Variants in CSMD1 observed in about 807,000 individuals in gnomAD.
The protein encoded by CSMD1 is CUB and sushi domain-containing protein 1.
CSMD1 carries 213 observed loss-of-function variants against 417.5 expected under a neutral mutation model. That is an observed-to-expected ratio of 0.51 (90% CI 0.46 to 0.57). The LOEUF (loss-of-function observed/expected upper bound fraction) is 0.57. Ranked by LOEUF, CSMD1 falls within the 20% of genes least tolerant of loss-of-function variation. The pLI is 0.00. For missense variants in CSMD1, 6,923 were observed against 4,529.7 expected (o/e 1.53, Z -15.17); for synonymous variants, 2,862 against 1,736.8 (o/e 1.65, Z -16.11).
chr8:4,413,023 A>G (rs1240806816), intron 3 of CSMD1, among the ~76,000 whole-genome samples: 1 of 152,220 alleles, frequency 6.6e-6, no homozygotes, highest in Non-Finnish European at 1.5e-5. Context: ...TGAAGTCTAT[A>G]CAATGTTCTT....
intron 3 of CSMD1, among the ~76,000 whole-genome samples, chr8:4,305,972 A>C (rs1585198014): frequency 6.6e-6 from 1 of 152,166 alleles, no homozygotes; most frequent in Non-Finnish European, 1.5e-5. Context: ...ACTGATACAT[A>C]GTGTGCCCAG....
chr8:3,322,512 G>A (rs990664362), intron 23 of CSMD1, among the ~76,000 whole-genome samples: 1 of 152,194 alleles, frequency 6.6e-6, no homozygotes, highest in African/African-American at 2.4e-5. Flanking sequence ...GTTTCCAGAA[G>A]AGAGAGCTAA....
In CSMD1 at chr8:4,761,894, CCTATCTATCTATCTATCAAT is replaced by C. The variant is rs1408689869; in HGVS notation, c.86-124356_86-124337del. Among the ~76,000 whole-genome samples the C allele has an allele frequency of 4.5e-3, 379 of 83,804 alleles. 3 individuals are homozygous for C. The highest frequency in any genetic ancestry group is 0.013 in the African/African-American group (281 of 22,320). The allele number at this position is 83,804 out of a possible 152,430, so 55.0% of individuals were successfully genotyped here. A position where few individuals can be genotyped will look rare whatever the true frequency, so the allele number is the denominator to read the frequency against. ...ATCTATCTATCTATCTATCTACCTA[CCTATCTATCTATCTATCAAT>C]CTATCTATCTATCTATCTATCTATC... On this transcript the variant is annotated intron_variant, in intron 1 of 69. Coordinates refer to ENST00000635120, the MANE Select transcript of CSMD1 (RefSeq NM_033225.6).
intron 2 of CSMD1, among the ~76,000 whole-genome samples, chr8:4,503,901 C>G (rs948625550): frequency 1.3e-5 from 2 of 150,004 alleles, no homozygotes; most frequent in East Asian, 3.9e-4. Context: ...CTACCTGATT[C>G]TGCTTCAAAA....
At chr8:3,479,053 G>GC (rs1034714806) in intron 11 of CSMD1, among the ~76,000 whole-genome samples, 1 of 151,790 alleles carries the variant, frequency 6.6e-6, no homozygotes, top group African/African-American at 2.4e-5. Context: ...AAATCCTTCT[G>GC]CCCCCTCAGC....
chr8:3,164,646 C>T (rs1316330839), intron 37 of CSMD1, among the ~76,000 whole-genome samples: 1 of 152,086 alleles, frequency 6.6e-6, no homozygotes, highest in Non-Finnish European at 1.5e-5. Flanking sequence ...TAAATTTTAA[C>T]TACAGTCGGG....
chr8:4,131,150 A>AT (rs1803077985), intron 3 of CSMD1, among the ~76,000 whole-genome samples: 2 of 152,178 alleles, frequency 1.3e-5, no homozygotes, highest in African/African-American at 4.8e-5. Flanking sequence ...CATAATGTAG[A>AT]TTTTAGACAA....
chr8:3,950,761 C>T (rs1198425684), intron 5 of CSMD1, among the ~76,000 whole-genome samples: 1 of 152,198 alleles, frequency 6.6e-6, no homozygotes, highest in Non-Finnish European at 1.5e-5. Context: ...TCTCTTACCT[C>T]ATCGCTAACA....
At position 3,753,892 on chromosome 8, in the gene CSMD1, C is replaced by T. The variant is rs759633673; in HGVS notation, c.931+38G>A. 17 of 1,335,188 alleles carry T rather than the reference C, an allele frequency of 1.3e-5. No homozygotes were observed. In the African/African-American group the frequency reaches 1.3e-4, roughly 10 times the overall value. 82.7% of individuals were successfully genotyped at this position (1,335,188 alleles called of 1,614,324 possible). ...AGAAAGGATCAAAATATATTACGCTCTGTTTTTTTTTTTTCTTATAAGATG... is the reference window on the plus strand; with the variant it reads ...AGAAAGGATCAAAATATATTACGCTTTGTTTTTTTTTTTTCTTATAAGATG... On this transcript the variant is annotated intron_variant, in intron 6 of 69. Coordinates refer to ENST00000635120, the MANE Select transcript of CSMD1 (RefSeq NM_033225.6).
chr8:4,397,393 G>C (rs1469651254), intron 3 of CSMD1, among the ~76,000 whole-genome samples: 1 of 152,052 alleles, frequency 6.6e-6, no homozygotes, highest in Non-Finnish European at 1.5e-5. Flanking sequence ...GAAAAGAGAA[G>C]TTACTTCATT....
intron 3 of CSMD1, among the ~76,000 whole-genome samples, chr8:4,415,245 C>G (rs1037246484): frequency 3.3e-5 from 5 of 152,144 alleles, no homozygotes; most frequent in African/African-American, 4.8e-5. Flanking sequence ...CCTCCATCAA[C>G]TCCGCCTCAC....
intron 3 of CSMD1, among the ~76,000 whole-genome samples, chr8:4,285,053 C>A (rs972956832): frequency 2.4e-4 from 37 of 152,238 alleles, no homozygotes; most frequent in African/African-American, 8.7e-4. Flanking sequence ...GTAAGCATAA[C>A]ACAATAGTCA....
chr8:4,186,432 C>G (rs548057128), intron 3 of CSMD1, among the ~76,000 whole-genome samples: 2 of 152,228 alleles, frequency 1.3e-5, no homozygotes, highest in South Asian at 4.1e-4. Flanking sequence ...AGTAAGTTTA[C>G]AGAGCCCAGG....
chr8:4,773,353 T>G (rs1310374609), intron 1 of CSMD1, among the ~76,000 whole-genome samples: 2 of 152,178 alleles, frequency 1.3e-5, no homozygotes. Flanking sequence ...GGTGGCTTTT[T>G]GTTTCAGGAA....
At chr8:2,963,763 T>A (rs1055044691) in intron 59 of CSMD1, among the ~76,000 whole-genome samples, 5 of 152,188 alleles carry the variant, frequency 3.3e-5, no homozygotes, top group African/African-American at 1.2e-4. Flanking sequence ...GACACAAATT[T>A]ATAGGCACAG....
chr8:4,825,613 A>G (rs75177042), intron 1 of CSMD1, among the ~76,000 whole-genome samples: 65 of 75,952 alleles, frequency 8.6e-4, no homozygotes, highest in African/African-American at 3.4e-3. Context: ...GAAAAGAAAA[A>G]GAGACATGTG....
chr8:3,717,491 A>C (rs899441560), intron 6 of CSMD1, among the ~76,000 whole-genome samples: 1 of 152,160 alleles, frequency 6.6e-6, no homozygotes, highest in African/African-American at 2.4e-5. Flanking sequence ...CGTTCCCCTT[A>C]GTTCAGCTAA....
intron 10 of CSMD1, among the ~76,000 whole-genome samples, chr8:3,567,915 C>G (rs536824775): frequency 6.6e-6 from 1 of 152,272 alleles, no homozygotes; most frequent in Admixed American, 6.5e-5. Flanking sequence ...TCATCACACA[C>G]ATGTGTTGAC....
At chr8:3,277,657 G>C (rs919010854) in intron 26 of CSMD1, among the ~76,000 whole-genome samples, 1 of 152,172 alleles carries the variant, frequency 6.6e-6, no homozygotes, top group African/African-American at 2.4e-5. Context: ...GCATGAACAA[G>C]GACTGTGGTT....
Sources: gnomAD v4.1 joint callset for allele counts (sites outside exome capture counted in the v4.1 genomes callset) on GRCh38, gnomAD v4.1.1 for gene constraint, MANE v1.5 for transcripts, NCBI Gene and HGNC (gene_info 2026-07-23, HGNC 2026-07-21) for gene names.